CNTN3: variants seen among roughly 807,000 people sequenced by gnomAD.
The protein encoded by CNTN3 is contactin-3.
Under a neutral mutation model 119.1 loss-of-function variants are expected in CNTN3, and 60 were observed. That is an observed-to-expected ratio of 0.50 (90% CI 0.41 to 0.62). CNTN3 has a LOEUF of 0.62. CNTN3 is among the 20% of genes least tolerant of loss of function. The probability of loss-of-function intolerance (pLI) is 0.00; values close to 1 mark genes in which losing one functional copy is unlikely to be tolerated. For missense variants in CNTN3, 1,101 were observed against 1,242.4 expected (o/e 0.89, Z 1.71); for synonymous variants, 450 against 438.7 (o/e 1.03, Z -0.32).
chr3:74,468,378 A>T lies in CNTN3; in HGVS notation c.358+18078T>A, dbSNP rs535827245. On this transcript the variant is annotated intron_variant, in intron 4 of 22. Coordinates refer to ENST00000263665, the MANE Select transcript of CNTN3 (RefSeq NM_020872.3). ...ATCAAAGAAAATCTAGATTTTTTTT[A>T]AATGAAATACAATTTAAAAAATTAA... Among the ~76,000 whole-genome samples, 58 of 152,234 alleles carry T rather than the reference A, an allele frequency of 3.8e-4. 1 individual carries two copies. The South Asian group carries it at 0.012, about 32-fold the overall frequency.
At chr3:74,396,368 A>T (rs537368068) in intron 5 of CNTN3, among the ~76,000 whole-genome samples, 30 of 152,336 alleles carry the variant, frequency 2.0e-4, no homozygotes, top group African/African-American at 6.5e-4. Context: ...TAAGAAAGCA[A>T]TACAGCCTTT....
chr3:74,492,015 AGAAGCAGAG>A (rs1702974086), intron 3 of CNTN3, among the ~76,000 whole-genome samples: 1 of 152,174 alleles, frequency 6.6e-6, no homozygotes, highest in Non-Finnish European at 1.5e-5. Flanking sequence ...ATTGTGCTCC[AGAAGCAGAG>A]TAGCCTTGTA....
chr3:74,433,641 C>T (rs866776496), intron 4 of CNTN3, among the ~76,000 whole-genome samples: 23 of 152,246 alleles, frequency 1.5e-4, no homozygotes, highest in Admixed American at 4.6e-4. Context: ...TCATCTGCCT[C>T]CCATACATTG....
At position 74,369,206 on chromosome 3, in the gene CNTN3, C is replaced by T. The variant is rs1704275006; in HGVS notation, c.929G>A (p.Gly310Glu). 2 of 1,602,698 alleles carry T rather than the reference C, an allele frequency of 1.2e-6. No homozygotes were observed. The highest frequency in any genetic ancestry group is 1.7e-5 in the Admixed American group (1 of 58,234). Reference sequence around the variant, plus strand: ...ATGCTCACCATAGTAAGTGAGACGCCCTCTGGCAACATTTTTTCCTCGTGA... The same window carrying T: ...ATGCTCACCATAGTAAGTGAGACGCTCTCTGGCAACATTTTTTCCTCGTGA... ...ENSRGKNVARGRLTYYAKPHW... is the reference protein window; with the variant it reads ...ENSRGKNVARERLTYYAKPHW... Residue 310 changes from glycine (G) to glutamate (E), a missense_variant, in exon 8 of 23, where the codon GGG becomes GAG. By Grantham distance (98) the Gly-to-Glu change is moderately conservative (BLOSUM62 -2). Transcript: ENST00000263665.
intron 20 of CNTN3, among the ~76,000 whole-genome samples, chr3:74,268,581 A>G (rs2106745190): frequency 6.6e-6 from 1 of 152,270 alleles, no homozygotes; most frequent in African/African-American, 2.4e-5. Flanking sequence ...TTTTAACACT[A>G]TTCTATGTTG....
rs1470223096 is a variant in CNTN3 at position 74,527,389 on chromosome 3, T to C, written c.-80-6197A>G. 4.6e-5 allele frequency among the ~76,000 whole-genome samples: 7 copies of C among 152,012 alleles called. No homozygotes were observed. The East Asian group carries it at 1.4e-3, about 30-fold the overall frequency. ...TAGCAAACAGAATCAGAGTTCTTGT[T>C]GTATGTATATTGCAGTAGATGGGGC... is the stretch of plus-strand genomic sequence containing the variant. On this transcript the variant is annotated intron_variant, in intron 1 of 22. Coordinates refer to ENST00000263665, the MANE Select transcript of CNTN3 (RefSeq NM_020872.3).
At chr3:74,455,653 G>A (rs956555667) in intron 4 of CNTN3, among the ~76,000 whole-genome samples, 1 of 151,990 alleles carries the variant, frequency 6.6e-6, no homozygotes, top group Non-Finnish European at 1.5e-5. Flanking sequence ...GGTCTTTGAT[G>A]ATGGTGATGT....
At chr3:74,404,609 T>C (rs146430909) in intron 5 of CNTN3, among the ~76,000 whole-genome samples, 276 of 152,038 alleles carry the variant, frequency 1.8e-3, no homozygotes, top group African/African-American at 5.9e-3. Flanking sequence ...GAAAAAAAAT[T>C]AGAGTTATCA....
chr3:74,397,319 T>C (rs1051238691), intron 5 of CNTN3, among the ~76,000 whole-genome samples: 2 of 152,204 alleles, frequency 1.3e-5, no homozygotes, highest in Admixed American at 6.5e-5. Flanking sequence ...TACTGTTCAC[T>C]AATGATGCAC....
chr3:74,383,122 A>G (rs1559574295), intron 5 of CNTN3, among the ~76,000 whole-genome samples: 2 of 152,222 alleles, frequency 1.3e-5, no homozygotes. Context: ...AGTGAAAATT[A>G]GCAAAAACAT....
chr3:74,531,404 A>C (rs1275345453), intron 1 of CNTN3, among the ~76,000 whole-genome samples: 1 of 151,992 alleles, frequency 6.6e-6, no homozygotes, highest in Non-Finnish European at 1.5e-5. Context: ...GTACAGTTAT[A>C]GACAGGAAGT....
intron 2 of CNTN3, among the ~76,000 whole-genome samples, chr3:74,507,553 T>A (rs1703285022): frequency 6.6e-6 from 1 of 152,108 alleles, no homozygotes; most frequent in South Asian, 2.1e-4. Flanking sequence ...CAGCACTGTG[T>A]TTGTAAATGT....
chr3:74,415,736 C>T (rs1701508884), intron 5 of CNTN3, among the ~76,000 whole-genome samples: 3 of 152,182 alleles, frequency 2.0e-5, no homozygotes, highest in South Asian at 2.1e-4. Context: ...GGCAGTCTTT[C>T]GTCCTTAATC....
intron 1 of CNTN3, among the ~76,000 whole-genome samples, chr3:74,535,128 A>C (rs1703746928): frequency 6.6e-6 from 1 of 152,118 alleles, no homozygotes; most frequent in Admixed American, 6.5e-5. Flanking sequence ...CTTTTTGTTT[A>C]AACACTTGTT....
intron 2 of CNTN3, among the ~76,000 whole-genome samples, chr3:74,504,875 TA>T (rs1320998639): frequency 6.6e-6 from 1 of 152,162 alleles, no homozygotes; most frequent in African/African-American, 2.4e-5. Context: ...AGGGTTGCTA[TA>T]ACAAAGTACC....
intron 1 of CNTN3, among the ~76,000 whole-genome samples, chr3:74,581,922 T>G (rs1704516108): frequency 6.6e-6 from 1 of 152,222 alleles, no homozygotes; most frequent in Admixed American, 6.5e-5. Context: ...CCTCAATCTT[T>G]ATGTTACTTT....
chr3:74,572,051 T>C (rs1014627865), intron 1 of CNTN3, among the ~76,000 whole-genome samples: 25 of 146,678 alleles, frequency 1.7e-4, no homozygotes, highest in Admixed American at 1.6e-3. Context: ...CAACTGTTTT[T>C]CCAGGTCAAG....
chr3:74,397,012 C>A (rs2106840999), intron 5 of CNTN3, among the ~76,000 whole-genome samples: 1 of 152,274 alleles, frequency 6.6e-6, no homozygotes, highest in South Asian at 2.1e-4. Flanking sequence ...AAGATGTGAT[C>A]TAGGACTTTT....
chr3:74,569,326 A>C (rs2106646791), intron 1 of CNTN3, among the ~76,000 whole-genome samples: 1 of 152,268 alleles, frequency 6.6e-6, no homozygotes, highest in Middle Eastern at 3.4e-3. Flanking sequence ...GGAGGATGAA[A>C]GCCAGCTCCC....
Sources: allele counts gnomAD v4.1 joint callset (sites outside exome capture counted in the v4.1 genomes callset), GRCh38; gene constraint gnomAD v4.1.1; transcripts MANE v1.5; gene names NCBI Gene and HGNC (gene_info 2026-07-23, HGNC 2026-07-21).